The following PPP1R9A variants were observed in gnomAD, a reference collection of about 807,000 sequenced individuals.
PPP1R9A encodes the protein neurabin-1.
Under a neutral mutation model 141.9 loss-of-function variants are expected in PPP1R9A, and 59 were observed. The observed-to-expected ratio is 0.42, with a 90% CI of 0.34 to 0.52. PPP1R9A has a LOEUF of 0.52. Among genes scored for constraint, PPP1R9A ranks in the 20% least tolerant of loss-of-function variants. The probability of loss-of-function intolerance (pLI) is 0.10; values close to 1 mark genes in which losing one functional copy is unlikely to be tolerated. For synonymous variants in PPP1R9A, 500 were observed against 569.7 expected (o/e 0.88, Z 1.74); for missense variants, 1,444 against 1,611.9 (o/e 0.90, Z 1.78).
In PPP1R9A at chr7:94,974,083, C is replaced by T. The variant is rs183882559; in HGVS notation, c.1395+62575C>T. On this transcript the variant is annotated intron_variant, in intron 2 of 19. Transcript: ENST00000433360. ...AATTGATTGTGGTTTTAGGATCCTGCACTCTGGCAACAATAGTAGGCTTTG... is the reference window on the plus strand; with the variant it reads ...AATTGATTGTGGTTTTAGGATCCTGTACTCTGGCAACAATAGTAGGCTTTG... Among the ~76,000 whole-genome samples, 62 of 152,180 alleles carry T rather than the reference C, an allele frequency of 4.1e-4. No homozygotes were observed. In the East Asian group the frequency reaches 0.012, roughly 28 times the overall value.
At chr7:95,022,330 G>A (rs1806102205) in intron 2 of PPP1R9A, among the ~76,000 whole-genome samples, 1 of 152,120 alleles carries the variant, frequency 6.6e-6, no homozygotes, top group Non-Finnish European at 1.5e-5. Context: ...TTTTTATCCT[G>A]AGACTTTGCT....
chr7:95,221,130 A>G lies in PPP1R9A; in HGVS notation c.1957-4831A>G, dbSNP rs145752630. On this transcript the variant is annotated intron_variant, in intron 7 of 19. Transcript: ENST00000433360. The stretch of plus-strand genomic sequence containing the variant: ...AGATACAGATGAGAAAATCGTTAGC[A>G]TTTTGCTATTGCAGTATTTTGACAC... Among the ~76,000 whole-genome samples, 646 of 152,176 alleles carry G rather than the reference A, an allele frequency of 4.2e-3. 3 individuals carry two copies. Among genetic ancestry groups the G allele is most frequent in the African/African-American group, 0.015 (608 of 41,538 alleles).
chr7:95,264,967 A>T (rs564786157), intron 12 of PPP1R9A, among the ~76,000 whole-genome samples: 39 of 152,316 alleles, frequency 2.6e-4, no homozygotes, highest in African/African-American at 7.9e-4. Flanking sequence ...ACAGTGAGAG[A>T]AATGGCCACT....
intron 2 of PPP1R9A, among the ~76,000 whole-genome samples, chr7:94,921,659 T>C (rs1446439630): frequency 1.3e-5 from 2 of 152,006 alleles, no homozygotes; most frequent in Non-Finnish European, 2.9e-5. Flanking sequence ...GCAAAACTTA[T>C]TGTAGGATGT....
chr7:95,152,025 C>T (rs773700474), intron 4 of PPP1R9A, among the ~76,000 whole-genome samples: 16 of 128,954 alleles, frequency 1.2e-4, no homozygotes, highest in Non-Finnish European at 2.5e-4. Flanking sequence ...AATCTTGGCT[C>T]ACTGCAACCT....
chr7:95,118,938 C>T (rs144610763), intron 3 of PPP1R9A, among the ~76,000 whole-genome samples: 41 of 149,704 alleles, frequency 2.7e-4, no homozygotes, highest in African/African-American at 8.4e-4. Flanking sequence ...GCCATGATGG[C>T]GCCACTGCAC....
At chr7:94,995,250 T>C (rs1346075585) in intron 2 of PPP1R9A, among the ~76,000 whole-genome samples, 8 of 152,136 alleles carry the variant, frequency 5.3e-5, no homozygotes, top group Non-Finnish European at 1.0e-4. Context: ...ATTGCTGATT[T>C]TGAGTAATTT....
At chr7:95,040,195 A>G (rs1809028856) in intron 2 of PPP1R9A, among the ~76,000 whole-genome samples, 1 of 152,198 alleles carries the variant, frequency 6.6e-6, no homozygotes, top group African/African-American at 2.4e-5. Flanking sequence ...TAATACAGAT[A>G]AATAAGACCT....
chr7:95,267,696 C>T (rs1336725620), intron 12 of PPP1R9A, among the ~76,000 whole-genome samples: 2 of 151,922 alleles, frequency 1.3e-5, no homozygotes, highest in African/African-American at 2.4e-5. Context: ...TTTCTTTTAG[C>T]CTTTTTATTT....
Position 95,263,412 on chromosome 7 carries a change from T to TTTGTTG in PPP1R9A, c.2666-5128_2666-5123dup, listed in dbSNP as rs1207098255. 1.2e-4 allele frequency among the ~76,000 whole-genome samples: 13 copies of TTTGTTG among 112,228 alleles called. No homozygotes were observed. In the East Asian group the frequency reaches 1.9e-3, roughly 17 times the overall value. 73.6% of individuals were successfully genotyped at this position (112,228 alleles called of 152,430 possible). Reference sequence around the variant, plus strand: ...ATCAGTAGGAAGTATATCTTTCCAGTTTGTTGTTGTTGTTGCTGTTGTTGT... The same window carrying TTTGTTG: ...ATCAGTAGGAAGTATATCTTTCCAGTTTGTTGTTGTTGTTGTTGTTGCTGTTGTTGT... On this transcript the variant is annotated intron_variant, in intron 12 of 19. Coordinates refer to ENST00000433360, the MANE Select transcript of PPP1R9A (RefSeq NM_001166160.2).
chr7:95,066,123 G>T (rs1294069494), intron 2 of PPP1R9A, among the ~76,000 whole-genome samples: 1 of 152,132 alleles, frequency 6.6e-6, no homozygotes, highest in Non-Finnish European at 1.5e-5. Flanking sequence ...GAGGCCTTTT[G>T]GATTGGCTGT....
chr7:95,161,983 C>G lies in PPP1R9A; in HGVS notation c.1754+12C>G, dbSNP rs780904392. The stretch of plus-strand genomic sequence containing the variant: ...AAGGGCAACGTCAGGTAAATACGTG[C>G]CTTCTAATATACACCATGTTGTTAC... On this transcript the variant is annotated intron_variant, in intron 5 of 19. Coordinates refer to ENST00000433360, the MANE Select transcript of PPP1R9A (RefSeq NM_001166160.2). The G allele has an allele frequency of 5.7e-5, 88 of 1,534,248 alleles. No individual in the cohort carries two copies. The highest frequency in any genetic ancestry group is 7.8e-5 in the Non-Finnish European group (87 of 1,112,742).
At chr7:95,155,029 T>A (rs544415578) in intron 4 of PPP1R9A, 3 of 152,252 alleles carry the variant, frequency 2.0e-5, no homozygotes, top group African/African-American at 7.2e-5. Flanking sequence ...ATCATTATCA[T>A]CATTATCATC....
At chr7:95,195,502 T>C (rs1474495708) in intron 5 of PPP1R9A, among the ~76,000 whole-genome samples, 1 of 150,436 alleles carries the variant, frequency 6.6e-6, no homozygotes, top group Non-Finnish European at 1.5e-5. Context: ...GATCTTGAAC[T>C]CCTGGGCTCA....
At chr7:94,980,750 T>A (rs943874954) in intron 2 of PPP1R9A, among the ~76,000 whole-genome samples, 1 of 152,124 alleles carries the variant, frequency 6.6e-6, no homozygotes, top group Admixed American at 6.6e-5. Flanking sequence ...TGTGACAGTG[T>A]ACATAAAAAT....
At chr7:94,976,528 GAC>G (rs1799469297) in intron 2 of PPP1R9A, among the ~76,000 whole-genome samples, 1 of 151,984 alleles carries the variant, frequency 6.6e-6, no homozygotes, top group East Asian at 1.9e-4. Flanking sequence ...TTTTAGTGGA[GAC>G]GGGGTTTCAG....
At chr7:95,078,249 T>C (rs1439149760) in intron 2 of PPP1R9A, among the ~76,000 whole-genome samples, 1 of 151,600 alleles carries the variant, frequency 6.6e-6, no homozygotes, top group Non-Finnish European at 1.5e-5. Flanking sequence ...TTTGTTCTTG[T>C]GATAGTTTAC....
chr7:95,057,890 A>G (rs1811706771), intron 2 of PPP1R9A, among the ~76,000 whole-genome samples: 2 of 152,044 alleles, frequency 1.3e-5, no homozygotes, highest in Non-Finnish European at 2.9e-5. Flanking sequence ...TCTCAGTTTG[A>G]ACTTTAGGTA....
At chr7:95,228,210 A>T (rs1253606511) in intron 8 of PPP1R9A, among the ~76,000 whole-genome samples, 1 of 152,148 alleles carries the variant, frequency 6.6e-6, no homozygotes, top group Non-Finnish European at 1.5e-5. Context: ...ACATTATCTC[A>T]ATCAGTCATA....
Sources: allele counts gnomAD v4.1 joint callset (sites outside exome capture counted in the v4.1 genomes callset), GRCh38; gene constraint gnomAD v4.1.1; transcripts MANE v1.5; gene names NCBI Gene and HGNC (gene_info 2026-07-23, HGNC 2026-07-21).